PRAM1: variants seen among roughly 807,000 people sequenced by gnomAD.
PRAM1 encodes the protein PML-RARA regulated adaptor molecule 1.
A neutral mutation model predicts 55.3 loss-of-function variants in PRAM1; 41 were observed. The ratio of observed to expected loss-of-function variants is 0.74; its 90% confidence interval spans 0.58 to 0.96. PRAM1 has a LOEUF of 0.96. Ranked by LOEUF, PRAM1 falls within the 40% of genes least tolerant of loss-of-function variation. PRAM1 has a pLI of 0.00. For missense variants in PRAM1, 898 were observed against 892.7 expected (o/e 1.01, Z -0.08); for synonymous variants, 401 against 387.1 (o/e 1.04, Z -0.42).
At chr19:8,500,180 C>T (rs1313121464) in intron 1 of PRAM1, among the ~76,000 whole-genome samples, 1 of 150,160 alleles carries the variant, frequency 6.7e-6, no homozygotes, top group African/African-American at 2.5e-5. Context: ...AATCATAGCT[C>T]ACTGCAGCTT....
intron 4 of PRAM1, 26 bp downstream of exon 4, chr19:8,497,738 G>A (rs1221654593): frequency 6.3e-7 from 1 of 1,578,956 alleles, no homozygotes; most frequent in African/African-American, 1.4e-5. Context: ...ATGTTTTGCA[G>A]GGACTCGGGC....
At position 8,490,385 on chromosome 19, in the gene PRAM1, A is replaced by G; in HGVS notation, c.1941-13T>C. 6.2e-7 allele frequency: 1 copy of G among 1,613,938 alleles called. No individual in the cohort carries two copies. The highest frequency in any genetic ancestry group is 8.5e-7 in the Non-Finnish European group (1 of 1,179,882). Reference sequence around the variant, plus strand: ...CACCTCCGTCTCCCTGGCAGAGCACAGTTGGGTCAGCAAGGGGCACCGTGG... The same window carrying G: ...CACCTCCGTCTCCCTGGCAGAGCACGGTTGGGTCAGCAAGGGGCACCGTGG... On this transcript the variant is annotated splice_polypyrimidine_tract_variant and intron_variant, in intron 8 of 9. Coordinates refer to ENST00000423345, the MANE Select transcript of PRAM1 (RefSeq NM_032152.5). This position sits in a 1 kb window ranked among gnomAD's most constrained non-coding sequence, Gnocchi z 7.3.
intron 4 of PRAM1, among the ~76,000 whole-genome samples, chr19:8,492,671 TC>T (rs1330336500): frequency 1.3e-5 from 2 of 152,078 alleles, no homozygotes; most frequent in African/African-American, 4.8e-5. Context: ...AATTGGGTGT[TC>T]CATTGCACAG....
intron 1 of PRAM1, 108 bp downstream of exon 1, chr19:8,502,457 A>ACCCCCCCCCCCCCCCCCCCCCCC: frequency 3.2e-5 from 15 of 469,346 alleles, no homozygotes; most frequent in Non-Finnish European, 3.8e-5. Context: ...TTTCGCAGCC[A>ACCCCCCCCCCCCCCCCCCCCCCC]CCCCCCGCCC....
At chr19:8,498,080 A>ACGT (rs1971725482) in intron 3 of PRAM1, 143 bp downstream of exon 3, 1 of 897,034 alleles carries the variant, frequency 1.1e-6, no homozygotes, top group South Asian at 1.6e-5. Context: ...GGGTTTCACC[A>ACGT]CGTTGGCCAG....
Position 8,499,253 on chromosome 19 carries a change from G to T in PRAM1, c.555C>A (p.Ser185=). The T allele has an allele frequency of 6.2e-7, 1 of 1,611,188 alleles. No individual in the cohort carries two copies. Among genetic ancestry groups the T allele is most frequent in the Non-Finnish European group, 8.5e-7 (1 of 1,178,234 alleles). Residue 185 remains serine, a synonymous_variant, in exon 2 of 10, where the codon TCC becomes TCA. Coordinates refer to ENST00000423345, the MANE Select transcript of PRAM1 (RefSeq NM_032152.5). ...HPARPPSEPK[S]GAFPRKLWQP... ...GCCAGAGCTTCCTGGGGAATGCGCC[G>T]GATTTGGGTTCGGAGGGGGGTCTGG...
rs1367450010 is a variant in PRAM1 at position 8,498,772 on chromosome 19, G to T, written c.1036C>A (p.Leu346Met). ...GGTGGCCCCCGGCGCTCCGGCTGCAGCAGCTTCCTGGGGAGTGAGTTGAAC... is the reference window on the plus strand; with the variant it reads ...GGTGGCCCCCGGCGCTCCGGCTGCATCAGCTTCCTGGGGAGTGAGTTGAAC... ...PEFNSLPRKL[L>M]QPERRGPPRK... is the part of the protein sequence containing the mutation. The change falls in exon 2 of 10, where the codon CTG (leucine) becomes ATG (methionine). Residue 346 changes from leucine to methionine, a missense_variant. By Grantham distance (15) the Leu-to-Met change is conservative. Around this residue, in one of 4 missense-constraint regions of PRAM1, gnomAD observed 787 missense variants for 735.4 expected, o/e 1.07. Transcript: ENST00000423345. 1 of 1,574,316 alleles carries T rather than the reference G, an allele frequency of 6.4e-7. No homozygotes were observed. Among genetic ancestry groups the T allele is most frequent in the African/African-American group, 1.4e-5 (1 of 73,922 alleles).
At position 8,490,914 on chromosome 19, in the gene PRAM1, G is replaced by A. The variant is rs373834024; in HGVS notation, c.1716C>T (p.Ala572=). The change falls in exon 6 of 10, where the codon GCC becomes GCT. Residue 572 remains alanine, a synonymous_variant. Transcript: ENST00000423345. The surrounding 1 kb of genome is among the most constrained non-coding windows in gnomAD (Gnocchi z 7.3). ...LLKQLRKAEK[A]EREFRKKFKF... Reference sequence around the variant, plus strand: ...TGAACTTCTTCCGGAACTCCCTCTCGGCCTTCTCTGCCTTCCTCAGCTGCT... The same window carrying A: ...TGAACTTCTTCCGGAACTCCCTCTCAGCCTTCTCTGCCTTCCTCAGCTGCT... 130 of 1,613,456 alleles carry A rather than the reference G, an allele frequency of 8.1e-5. No individual in the cohort carries two copies. Among genetic ancestry groups the A allele is most frequent in the South Asian group, 9.9e-5 (9 of 91,088 alleles).
chr19:8,490,692 C>A lies in PRAM1; in HGVS notation c.1808G>T (p.Gly603Val). 1 of 1,607,312 alleles carries A rather than the reference C, an allele frequency of 6.2e-7. No individual in the cohort carries two copies. The highest frequency in any genetic ancestry group is 1.3e-5 in the African/African-American group (1 of 74,902). ...CCGGATCCCGAGGTGCTTGCCACCC[C>A]CGCGACGTGTCTTAGCGTTGGGGTC... ...MIDPNAKTRR[G>V]GGKHLGIRRG... The change falls in exon 7 of 10, where the codon GGG becomes GTG. Residue 603 changes from glycine (G) to valine (V), a missense_variant. By Grantham distance (109) the Gly-to-Val change is moderately radical. Coordinates refer to ENST00000423345, the MANE Select transcript of PRAM1 (RefSeq NM_032152.5). This position sits in a 1 kb window ranked among gnomAD's most constrained non-coding sequence, Gnocchi z 7.3.
chr19:8,501,474 T>G (rs927557848), intron 1 of PRAM1, among the ~76,000 whole-genome samples: 48 of 151,388 alleles, frequency 3.2e-4, no homozygotes, highest in African/African-American at 1.1e-3. Context: ...CCCTACGTAT[T>G]ATACTATTTT....
chr19:8,495,387 A>C (rs897349424), intron 4 of PRAM1, among the ~76,000 whole-genome samples: 1 of 152,074 alleles, frequency 6.6e-6, no homozygotes, highest in Non-Finnish European at 1.5e-5. Context: ...GGCGTGAGCC[A>C]CCACGCCCGG....
rs1262762026 is a variant in PRAM1, at chr19:8,490,158, G to A, written c.*31C>T. On this transcript the variant is annotated 3_prime_UTR_variant, in exon 10 of 10. Transcript: ENST00000423345. The surrounding 1 kb of genome is among the most constrained non-coding windows in gnomAD (Gnocchi z 7.3). ...TCCTGGGTGAGCGGGCGCTGGGCTGGCTGGCTGTCCTGGCCCCACGCCTAC... is the reference window on the plus strand; with the variant it reads ...TCCTGGGTGAGCGGGCGCTGGGCTGACTGGCTGTCCTGGCCCCACGCCTAC... 16 of 1,522,226 alleles carry A rather than the reference G, an allele frequency of 1.1e-5. 1 individual carries two copies. The African/African-American group carries it at 1.4e-4, about 13-fold the overall frequency. 94.3% of individuals were successfully genotyped at this position (1,522,226 alleles called of 1,614,324 possible).
In PRAM1 at chr19:8,499,202, C is replaced by A; in HGVS notation, c.606G>T (p.Pro202=). The change falls in exon 2 of 10, where the codon CCG becomes CCT. Residue 202 remains proline (P), a synonymous_variant. Transcript: ENST00000423345. ...TACTCAACTCAGGCTGCGGGGACCTCGGGGTAGCCTCACCGGCCTCGGGTT... is the reference window on the plus strand; with the variant it reads ...TACTCAACTCAGGCTGCGGGGACCTAGGGGTAGCCTCACCGGCCTCGGGTT... ...LWQPEAGEAT[P]RSPQPELSTF... The A allele has an allele frequency of 6.2e-7, 1 of 1,613,598 alleles. No homozygotes were observed. Among genetic ancestry groups the A allele is most frequent in the Non-Finnish European group, 8.5e-7 (1 of 1,179,722 alleles).
At chr19:8,501,948 C>T (rs1216194641) in intron 1 of PRAM1, among the ~76,000 whole-genome samples, 1 of 152,162 alleles carries the variant, frequency 6.6e-6, no homozygotes, top group Non-Finnish European at 1.5e-5. Context: ...CCTACAAACG[C>T]CCCTTTCACC....
At position 8,499,217 on chromosome 19, in the gene PRAM1, G is replaced by A. The variant is rs748246588; in HGVS notation, c.591C>T (p.Ala197=). Reference sequence around the variant, plus strand: ...GCGGGGACCTCGGGGTAGCCTCACCGGCCTCGGGTTGCCAGAGCTTCCTGG... The same window carrying A: ...GCGGGGACCTCGGGGTAGCCTCACCAGCCTCGGGTTGCCAGAGCTTCCTGG... ...AFPRKLWQPE[A]GEATPRSPQP... The change falls in exon 2 of 10, where the codon GCC becomes GCT. Residue 197 remains alanine (A), a synonymous_variant. Transcript: ENST00000423345. 3.7e-6 allele frequency: 6 copies of A among 1,613,082 alleles called. No individual in the cohort carries two copies. Among genetic ancestry groups the A allele is most frequent in the African/African-American group, 1.3e-5 (1 of 74,894 alleles).
At position 8,498,307 on chromosome 19, in the gene PRAM1, G is replaced by C. The variant is rs767459483; in HGVS notation, c.1433-18C>G. The C allele has an allele frequency of 6.2e-7, 1 of 1,609,314 alleles. No individual in the cohort carries two copies. The highest frequency in any genetic ancestry group is 2.2e-5 in the East Asian group (1 of 44,744). ...CCGTAGATCTGTGGGGTAGAGAGTAGGGCAGGGAAGCCGGCACTGCCTGGG... is the reference window on the plus strand; with the variant it reads ...CCGTAGATCTGTGGGGTAGAGAGTACGGCAGGGAAGCCGGCACTGCCTGGG... On this transcript the variant is annotated intron_variant, in intron 2 of 9. Transcript: ENST00000423345.
chr19:8,502,261 C>T (rs755574916), intron 1 of PRAM1, among the ~76,000 whole-genome samples: 88 of 152,230 alleles, frequency 5.8e-4, no homozygotes, highest in Non-Finnish European at 1.1e-3. Context: ...CCCCAGCAGC[C>T]CGTTCCCACA....
chr19:8,501,822 G>A (rs540623317), intron 1 of PRAM1, among the ~76,000 whole-genome samples: 1 of 152,264 alleles, frequency 6.6e-6, no homozygotes, highest in African/African-American at 2.4e-5. Flanking sequence ...TGCAGACACC[G>A]TGGGCACAGG....
At position 8,490,062 on chromosome 19, in the gene PRAM1, A is replaced by T. The variant is rs2145780882; in HGVS notation, c.*127T>A. ...AAAGACAAGAAGCAGGGACTGCTTTAAACTGGGGCTTTATGTGGCCAGGTA... is the reference window on the plus strand; with the variant it reads ...AAAGACAAGAAGCAGGGACTGCTTTTAACTGGGGCTTTATGTGGCCAGGTA... On this transcript the variant is annotated 3_prime_UTR_variant, in exon 10 of 10. Transcript: ENST00000423345. This position sits in a 1 kb window ranked among gnomAD's most constrained non-coding sequence, Gnocchi z 7.3. 3.2e-6 allele frequency: 3 copies of T among 944,392 alleles called. No individual in the cohort carries two copies. Among genetic ancestry groups the T allele is most frequent in the Non-Finnish European group, 4.7e-6 (3 of 643,260 alleles). The allele number at this position is 944,392 out of a possible 1,614,324, so 58.5% of individuals were successfully genotyped here.
Sources: allele counts gnomAD v4.1 joint callset (sites outside exome capture counted in the v4.1 genomes callset), GRCh38; gene constraint gnomAD v4.1.1; regional missense constraint gnomAD v4.1.1; non-coding constraint Gnocchi (gnomAD v3.1); transcripts MANE v1.5; gene names NCBI Gene and HGNC (gene_info 2026-07-23, HGNC 2026-07-21).